Variants in PRDM15 observed in about 807,000 individuals in gnomAD.
The protein encoded by PRDM15 is PR/SET domain 15, also known as PR domain zinc finger protein 15.
Under a neutral mutation model 128.6 loss-of-function variants are expected in PRDM15, and 64 were observed. The observed-to-expected ratio is 0.50, with a 90% CI of 0.41 to 0.61. PRDM15 has a LOEUF of 0.61. PRDM15 is among the 20% of genes least tolerant of loss of function. PRDM15 has a pLI of 0.00. For missense variants in PRDM15, 1,242 were observed against 1,569.1 expected (o/e 0.79, Z 3.52); for synonymous variants, 615 against 621.8 (o/e 0.99, Z 0.16).
chr21:41,873,058 T>G (rs997669854), intron 1 of PRDM15, among the ~76,000 whole-genome samples: 7 of 152,190 alleles, frequency 4.6e-5, no homozygotes, highest in African/African-American at 1.7e-4. Flanking sequence ...ACCAACAAGA[T>G]GGACCAGGGG....
chr21:41,854,021 A>G lies in PRDM15; in HGVS notation c.538+545T>C, dbSNP rs2063504327. ...TCACTGCACGTAGCCCCCAGGGCAGAGCTAAGCAGTCATGCGCCATGTGAC... is the reference window on the plus strand; with the variant it reads ...TCACTGCACGTAGCCCCCAGGGCAGGGCTAAGCAGTCATGCGCCATGTGAC... On this transcript the variant is annotated intron_variant, in intron 5 of 23. Coordinates refer to ENST00000398548, the MANE Select transcript of PRDM15 (RefSeq NM_001040424.3). The surrounding 1 kb of genome is among the most constrained non-coding windows in gnomAD (Gnocchi z 4.6). 6.6e-6 allele frequency among the ~76,000 whole-genome samples: 1 copy of G among 152,230 alleles called. No individual in the cohort carries two copies. The highest frequency in any genetic ancestry group is 6.5e-5 in the Admixed American group (1 of 15,286).
At chr21:41,834,056 T>C (rs1418033642) in intron 11 of PRDM15, among the ~76,000 whole-genome samples, 2 of 152,160 alleles carry the variant, frequency 1.3e-5, no homozygotes, top group Non-Finnish European at 2.9e-5. Flanking sequence ...TTGGGAATTC[T>C]TGTGATAGGA....
chr21:41,808,044 T>A (rs879517577), intron 21 of PRDM15, among the ~76,000 whole-genome samples: 1 of 152,142 alleles, frequency 6.6e-6, no homozygotes, highest in Non-Finnish European at 1.5e-5. Context: ...CAGTAAGGCC[T>A]CTCCACCCAG....
intron 3 of PRDM15, 121 bp from the exon 4 acceptor site, chr21:41,857,450 A>G: frequency 9.3e-7 from 1 of 1,077,654 alleles, no homozygotes; most frequent in Non-Finnish European, 1.3e-6. Flanking sequence ...AAAATTCTCC[A>G]GGTGATAAAA....
intron 21 of PRDM15, among the ~76,000 whole-genome samples, chr21:41,806,415 C>T (rs1252564689): frequency 9.2e-5 from 7 of 76,186 alleles, no homozygotes; most frequent in Non-Finnish European, 1.9e-4. Flanking sequence ...ACCACCATCA[C>T]CACCACCACC....
intron 21 of PRDM15, among the ~76,000 whole-genome samples, chr21:41,807,005 CCACCAT>C: frequency 6.6e-6 from 1 of 151,722 alleles, no homozygotes; most frequent in South Asian, 2.1e-4. Flanking sequence ...ACCTCTACCA[CCACCAT>C]CACCAACACC....
intron 6 of PRDM15, among the ~76,000 whole-genome samples, chr21:41,843,110 T>TG (rs2063124850): frequency 2.0e-5 from 3 of 151,332 alleles, no homozygotes; most frequent in South Asian, 2.1e-4. Flanking sequence ...TTTGTTTGTT[T>TG]TTTTGTTTGT....
intron 1 of PRDM15, among the ~76,000 whole-genome samples, chr21:41,876,857 T>G (rs1466934685): frequency 6.6e-6 from 1 of 152,080 alleles, no homozygotes; most frequent in Non-Finnish European, 1.5e-5. Context: ...CCGAGTTCTG[T>G]GGAGTGGAAT....
In PRDM15 at chr21:41,852,450, A is replaced by G. The variant is rs544011083; in HGVS notation, c.538+2116T>C. Among the ~76,000 whole-genome samples, 8 of 152,376 alleles carry G rather than the reference A, an allele frequency of 5.3e-5. No homozygotes were observed. In the South Asian group the frequency reaches 1.4e-3, roughly 28 times the overall value. On this transcript the variant is annotated intron_variant, in intron 5 of 23. Transcript: ENST00000398548. ...AGGACTTGGAAACGGCCCCTGACCC[A>G]GCAGGCACCACCACAGGGGCCTCCC...
intron 21 of PRDM15, among the ~76,000 whole-genome samples, chr21:41,805,032 C>T (rs540326240): frequency 7.2e-5 from 11 of 152,312 alleles, no homozygotes; most frequent in South Asian, 2.1e-4. Flanking sequence ...CCTTACACAT[C>T]GTACTTTTCA....
chr21:41,857,289 C>T lies in PRDM15; in HGVS notation c.172G>A (p.Asp58Asn). The T allele has an allele frequency of 2.5e-6, 4 of 1,613,932 alleles. No homozygotes were observed. The highest frequency in any genetic ancestry group is 3.4e-6 in the Non-Finnish European group (4 of 1,180,018). ...ATGGCGAACACCCCCTCGGCTCCAT[C>T]TTCCAGTCGTCTGATCTCCAAGTTG... is the stretch of plus-strand genomic sequence containing the variant. ...PPNLEIRRLE[D>N]GAEGVFAITQ... Residue 58 changes from aspartate (D) to asparagine (N), a missense_variant, in exon 4 of 24, where the codon GAT (aspartate) becomes AAT (asparagine). Asp to Asn is a conservative substitution (Grantham distance 23). Transcript: ENST00000398548.
chr21:41,820,030 C>T, intron 17 of PRDM15, 65 bp downstream of exon 17: 1 of 1,371,052 alleles, frequency 7.3e-7, no homozygotes, highest in South Asian at 1.2e-5. Context: ...CGGAGACCCC[C>T]AGCATCCCTC....
chr21:41,867,279 C>T (rs1438121987), intron 1 of PRDM15: 2 of 1,597,806 alleles, frequency 1.3e-6, no homozygotes, highest in African/African-American at 2.7e-5. Context: ...AGATGCAACT[C>T]CTTTCTACTC....
At chr21:41,848,812 G>A (rs987094486) in intron 5 of PRDM15, among the ~76,000 whole-genome samples, 4 of 152,180 alleles carry the variant, frequency 2.6e-5, no homozygotes, top group Non-Finnish European at 4.4e-5. Context: ...ACGACTGCCC[G>A]CTCATCAAGA....
intron 1 of PRDM15, among the ~76,000 whole-genome samples, chr21:41,872,391 G>A (rs1300091937): frequency 1.3e-5 from 2 of 152,142 alleles, no homozygotes. Context: ...TTAAATCGAT[G>A]TATATATTAT....
At chr21:41,840,065 G>A (rs1464146949) in intron 6 of PRDM15, among the ~76,000 whole-genome samples, 1 of 152,172 alleles carries the variant, frequency 6.6e-6, no homozygotes, top group Middle Eastern at 3.2e-3. Flanking sequence ...GCAAGGGTAG[G>A]TTCACCATGA....
intron 6 of PRDM15, among the ~76,000 whole-genome samples, chr21:41,841,537 C>T (rs2063073800): frequency 6.6e-6 from 1 of 150,688 alleles, no homozygotes; most frequent in Non-Finnish European, 1.5e-5. Context: ...AAATATAAAA[C>T]AAAGGGAACT....
Position 41,810,910 on chromosome 21 carries a change from C to A in PRDM15, c.2393-74G>T. The A allele has an allele frequency of 7.2e-7, 1 of 1,397,128 alleles. No individual in the cohort carries two copies. Among genetic ancestry groups the A allele is most frequent in the South Asian group, 1.2e-5 (1 of 86,280 alleles). 86.5% of individuals were successfully genotyped at this position (1,397,128 alleles called of 1,614,324 possible). On this transcript the variant is annotated intron_variant, in intron 19 of 23. Transcript: ENST00000398548. This position sits in a 1 kb window ranked among gnomAD's most constrained non-coding sequence, Gnocchi z 6.4. The stretch of plus-strand genomic sequence containing the variant: ...GTCCACATCAGGGCATGTCTTCTCC[C>A]TGACACGTTCCAGGCACTGTAGGGC...
At chr21:41,822,180 C>T (rs913249295) in intron 14 of PRDM15, 143 bp from the exon 15 acceptor site, 3 of 1,162,916 alleles carry the variant, frequency 2.6e-6, no homozygotes, top group Admixed American at 3.9e-5. Flanking sequence ...ACGAGCTACA[C>T]TTGTGCCCTA....
Sources: allele counts gnomAD v4.1 joint callset (sites outside exome capture counted in the v4.1 genomes callset), GRCh38; gene constraint gnomAD v4.1.1; non-coding constraint Gnocchi (gnomAD v3.1); transcripts MANE v1.5; gene names NCBI Gene and HGNC (gene_info 2026-07-23, HGNC 2026-07-21).